Variants in RIF1 observed in about 807,000 individuals in gnomAD.
The protein encoded by RIF1 is telomere-associated protein RIF1.
Under a neutral mutation model 247.1 loss-of-function variants are expected in RIF1, and 45 were observed. The observed-to-expected ratio is 0.18, with a 90% CI of 0.14 to 0.23. The LOEUF is 0.23. RIF1 is among the 10% of genes least tolerant of loss of function. RIF1 has a pLI of 1.00. For missense variants in RIF1, 2,967 were observed against 2,862.5 expected, an observed-to-expected ratio of 1.04 and a Z score of -0.83; for synonymous variants, 1,087 against 978.8, an observed-to-expected ratio of 1.11 and a Z score of -2.06.
chr2:151,499,345 T>C lies in RIF1; in HGVS notation c.*514T>C, dbSNP rs1323764871. ...TGTTTGACTCTCTCCATCTCTGGAG[T>C]GATGGGGATTGGAATCCCTTTTCCA... On this transcript the variant is annotated splice_region_variant and 3_prime_UTR_variant and NMD_transcript_variant, in exon 11 of 14. Coordinates refer to the RIF1 transcript ENST00000454583. 1.4e-5 allele frequency: 22 copies of C among 1,546,310 alleles called. No individual in the cohort carries two copies. Among genetic ancestry groups the C allele is most frequent in the Non-Finnish European group, 1.9e-5 (22 of 1,143,484 alleles).
intron 10 of RIF1, among the ~76,000 whole-genome samples, chr2:151,495,770 A>G (rs1027674632): frequency 1.3e-5 from 2 of 152,210 alleles, no homozygotes; most frequent in Admixed American, 1.3e-4. Flanking sequence ...ATAATTGCCA[A>G]AACTACTATT....
chr2:151,469,664 A>G (rs1395120824), intron 33 of RIF1, 47 bp from the exon 34 acceptor site: 9 of 1,351,570 alleles, frequency 6.7e-6, no homozygotes, highest in Non-Finnish European at 8.8e-6. Context: ...CAAATAGCAT[A>G]TAAATAAAAC....
At chr2:151,493,515 G>A in intron 9 of RIF1, 1 of 1,007,426 alleles carries the variant, frequency 9.9e-7, no homozygotes, top group Non-Finnish European at 1.5e-6. Context: ...TCACTTAGCT[G>A]GTGTTATGGC....
the RIF1 span, chr2:151,518,309 T>C: frequency 3.0e-4 from 474 of 1,576,812 alleles, 2 homozygotes; most frequent in African/African-American, 5.8e-3. Context: ...TCGGTCTTGA[T>C]CCACTTACTA....
rs779634753 is a variant in RIF1 at position 151,464,021 on chromosome 2, C to G, written c.4501C>G (p.Gln1501Glu). ...AACTAGTGCTAATGCAGAAACTGAA[C>G]AAAATAAAAAAAAGGCAGACCCTGA... is the stretch of plus-strand genomic sequence containing the variant. The part of the protein sequence containing the change: ...GETSANAETE[Q>E]NKKKADPENI... Residue 1501 changes from glutamine to glutamate, a missense_variant, in exon 30 of 36, where the codon CAA becomes GAA. Physicochemically the swap from Gln to Glu is conservative, Grantham distance 29. Transcript: ENST00000444746. 4 of 1,606,602 alleles carry G rather than the reference C, an allele frequency of 2.5e-6. No individual in the cohort carries two copies. The highest frequency in any genetic ancestry group is 3.4e-6 in the Non-Finnish European group (4 of 1,178,160).
intron 8 of RIF1, among the ~76,000 whole-genome samples, chr2:151,424,458 T>A (rs1379182726): frequency 6.6e-6 from 1 of 152,238 alleles, no homozygotes; most frequent in Non-Finnish European, 1.5e-5. Context: ...TGGATTCTTA[T>A]GGCTGAGTAA....
chr2:151,414,581 G>C (rs1686868231), intron 3 of RIF1, among the ~76,000 whole-genome samples: 2 of 152,282 alleles, frequency 1.3e-5, no homozygotes, highest in South Asian at 4.1e-4. Flanking sequence ...CATAGGTGTA[G>C]AGATATCCTT....
Position 151,462,419 on chromosome 2 carries a change from C to A in RIF1, c.3316C>A (p.Pro1106Thr). ...TACTAATATTTATTTCAGGGAAATT[C>A]CTACTTTAACCAGAAAACCAAAGGA... ...QYSQEEPMEI[P>T]TLTRKPKEDS... Residue 1106 changes from proline (P) to threonine (T), a missense_variant, in exon 29 of 36, where the codon CCT (proline) becomes ACT (threonine). Coordinates refer to ENST00000444746, the MANE Select transcript of RIF1 (RefSeq NM_018151.5). 6.5e-7 allele frequency: 1 copy of A among 1,538,202 alleles called. No homozygotes were observed. Among genetic ancestry groups the A allele is most frequent in the Non-Finnish European group, 8.8e-7 (1 of 1,133,772 alleles).
chr2:151,415,782 C>T (rs948733461), intron 4 of RIF1, among the ~76,000 whole-genome samples: 1 of 151,936 alleles, frequency 6.6e-6, no homozygotes, highest in Non-Finnish European at 1.5e-5. Flanking sequence ...GAGGCTGAGG[C>T]AGGAGAATCG....
intron 22 of RIF1, among the ~76,000 whole-genome samples, chr2:151,455,521 A>T (rs1049859196): frequency 6.6e-6 from 1 of 152,208 alleles, no homozygotes; most frequent in African/African-American, 2.4e-5. Context: ...GTTTGTATCC[A>T]TGGGTTCTGC....
intron 4 of RIF1, among the ~76,000 whole-genome samples, chr2:151,415,664 G>A (rs925731827): frequency 2.0e-5 from 3 of 150,964 alleles, no homozygotes; most frequent in East Asian, 2.0e-4. Flanking sequence ...ACCTAAGGTC[G>A]GGAGTTCGAG....
rs2048928631 is a variant in RIF1, at chr2:151,476,351, A to C, written c.*1280A>C. On this transcript the variant is annotated 3_prime_UTR_variant, in exon 36 of 36. Coordinates refer to ENST00000444746, the MANE Select transcript of RIF1 (RefSeq NM_018151.5). ...GGTATGTAATTAAAACCTTTGTAAA[A>C]TTTGCCAACTAATATTAGTGCCTGA... The C allele has an allele frequency of 6.6e-6, 1 of 152,122 alleles. No individual in the cohort carries two copies. Among genetic ancestry groups the C allele is most frequent in the African/African-American group, 2.4e-5 (1 of 41,434 alleles). The allele number at this position is 152,122 out of a possible 1,614,324, so 9.4% of individuals were successfully genotyped here.
downstream of RIF1, among the ~76,000 whole-genome samples, chr2:151,510,846 A>C (rs1214017936): frequency 6.6e-6 from 1 of 152,198 alleles, no homozygotes. Flanking sequence ...TAAATTTGTG[A>C]GTCAGCTTAC....
At chr2:151,469,459 C>T (rs1052932594) in intron 33 of RIF1, among the ~76,000 whole-genome samples, 2 of 152,094 alleles carry the variant, frequency 1.3e-5, no homozygotes, top group African/African-American at 4.8e-5. Flanking sequence ...TAAGAATTAT[C>T]TATTAATGAG....
rs2049180767 is a variant in RIF1 at position 151,481,838 on chromosome 2, T to C, written c.*6767T>C. 6.6e-6 allele frequency: 1 copy of C among 152,196 alleles called. No homozygotes were observed. Among genetic ancestry groups the C allele is most frequent in the Non-Finnish European group, 1.5e-5 (1 of 68,038 alleles). 9.4% of individuals were successfully genotyped at this position (152,196 alleles called of 1,614,324 possible). Reference sequence around the variant, plus strand: ...CTAGGTTGTGCGCTCATTATGAGAATCTAATACCCGATGATCTGAGGTGGA... The same window carrying C: ...CTAGGTTGTGCGCTCATTATGAGAACCTAATACCCGATGATCTGAGGTGGA... On this transcript the variant is annotated 3_prime_UTR_variant, in exon 36 of 36. Transcript: ENST00000444746.
chr2:151,415,051 TAAGA>T (rs1686944241), intron 4 of RIF1, 132 bp downstream of exon 4: 5 of 621,658 alleles, frequency 8.0e-6, no homozygotes, highest in South Asian at 2.2e-5. Context: ...GGTTTGCTTT[TAAGA>T]AAGAAAGAAT....
chr2:151,419,382 G>A (rs1687783983), intron 6 of RIF1, among the ~76,000 whole-genome samples: 1 of 151,982 alleles, frequency 6.6e-6, no homozygotes, highest in African/African-American at 2.4e-5. Flanking sequence ...CTGGAGCGCA[G>A]TGGTGAGGTC....
intron 10 of RIF1, 42 bp downstream of exon 10, chr2:151,433,270 T>A: frequency 2.7e-6 from 4 of 1,488,112 alleles, no homozygotes; most frequent in Non-Finnish European, 3.7e-6. Context: ...ATGTTTTTGT[T>A]AATGTGTTCT....
Position 151,481,133 on chromosome 2 carries a change from A to G in RIF1, c.*6062A>G, listed in dbSNP as rs771957768. 1 of 152,204 alleles carries G rather than the reference A, an allele frequency of 6.6e-6. No homozygotes were observed. The highest frequency in any genetic ancestry group is 1.5e-5 in the Non-Finnish European group (1 of 68,038). 9.4% of individuals were successfully genotyped at this position (152,204 alleles called of 1,614,324 possible). ...GTCTGTATGGCTTCCAACAGTCAAAATACTGCCTGGCCTTTTAAAGAGTTT... is the reference window on the plus strand; with the variant it reads ...GTCTGTATGGCTTCCAACAGTCAAAGTACTGCCTGGCCTTTTAAAGAGTTT... On this transcript the variant is annotated 3_prime_UTR_variant, in exon 36 of 36. Transcript: ENST00000444746.
Sources: allele counts gnomAD v4.1 joint callset (sites outside exome capture counted in the v4.1 genomes callset), GRCh38; gene constraint gnomAD v4.1.1; transcripts MANE v1.5; gene names NCBI Gene and HGNC (gene_info 2026-07-23, HGNC 2026-07-21).